The following DPY19L3 variants were observed in gnomAD, a reference collection of about 807,000 sequenced individuals.
The protein encoded by DPY19L3 is protein C-mannosyl-transferase DPY19L3.
In DPY19L3, 51 loss-of-function variants were observed where a neutral mutation model predicts 92.3. That is an observed-to-expected ratio of 0.55 (90% CI 0.44 to 0.70). DPY19L3 has a LOEUF of 0.70. Ranked by LOEUF, DPY19L3 falls within the 30% of genes least tolerant of loss-of-function variation. The pLI, the probability that DPY19L3 is intolerant of heterozygous loss-of-function variation, is 0.00. For missense variants in DPY19L3, 706 were observed against 855.9 expected, an observed-to-expected ratio of 0.82 and a Z score of 2.18; for synonymous variants, 309 against 315.2, an observed-to-expected ratio of 0.98 and a Z score of 0.21.
chr19:32,449,291 A>G (rs1485208522), intron 8 of DPY19L3, among the ~76,000 whole-genome samples: 1 of 152,230 alleles, frequency 6.6e-6, no homozygotes, highest in Admixed American at 6.5e-5. Context: ...TAGATTGGAA[A>G]GATAATTCAC....
intron 15 of DPY19L3, among the ~76,000 whole-genome samples, chr19:32,466,725 A>G (rs1035340602): frequency 6.6e-6 from 1 of 152,272 alleles, no homozygotes; most frequent in Non-Finnish European, 1.5e-5. Flanking sequence ...ATCCTGAGGA[A>G]TCCTCCAAAA....
At chr19:32,478,369 A>T (rs1207282980) in intron 17 of DPY19L3, among the ~76,000 whole-genome samples, 2 of 152,176 alleles carry the variant, frequency 1.3e-5, no homozygotes, top group African/African-American at 4.8e-5. Context: ...TGGATTAGGG[A>T]GGGGAAGGAA....
intron 1 of DPY19L3, 125 bp downstream of exon 1, chr19:32,406,034 G>C (rs1376249763): frequency 6.6e-6 from 1 of 151,042 alleles, no homozygotes; most frequent in African/African-American, 2.4e-5. Flanking sequence ...TGGCGCAGTC[G>C]GGGGGCGCGG....
chr19:32,473,658 G>T (rs1433795400), intron 16 of DPY19L3, among the ~76,000 whole-genome samples: 2 of 152,166 alleles, frequency 1.3e-5, no homozygotes, highest in African/African-American at 4.8e-5. Context: ...TGCCTTACGG[G>T]TAGAGTGAAG....
intron 9 of DPY19L3, 140 bp downstream of exon 9, chr19:32,453,416 T>C: frequency 1.2e-6 from 1 of 826,660 alleles, no homozygotes; most frequent in South Asian, 2.0e-5. Context: ...TTGTGTGCTT[T>C]TTCTTGTGCA....
intron 3 of DPY19L3, among the ~76,000 whole-genome samples, chr19:32,422,014 T>C (rs895716858): frequency 6.6e-6 from 1 of 152,218 alleles, no homozygotes; most frequent in Non-Finnish European, 1.5e-5. Flanking sequence ...ATGAAAATTC[T>C]TGCTGACCTG....
intron 9 of DPY19L3, among the ~76,000 whole-genome samples, chr19:32,454,267 G>T (rs563804157): frequency 3.3e-5 from 5 of 152,164 alleles, no homozygotes; most frequent in African/African-American, 1.2e-4. Flanking sequence ...CGTGGTGTAG[G>T]AATTAATGGA....
At chr19:32,462,035 C>T (rs1013578426) in intron 12 of DPY19L3, among the ~76,000 whole-genome samples, 1 of 151,986 alleles carries the variant, frequency 6.6e-6, no homozygotes, top group African/African-American at 2.4e-5. Flanking sequence ...TACATATATC[C>T]CTGTGATAAA....
rs150954095 is a variant in DPY19L3 at position 32,474,232 on chromosome 19, A to G, written c.1698-3290A>G. Among the ~76,000 whole-genome samples, 608 of 152,382 alleles carry G rather than the reference A, an allele frequency of 4.0e-3. 5 individuals are homozygous for G. Among genetic ancestry groups the G allele is most frequent in the African/African-American group, 0.014 (564 of 41,598 alleles). The stretch of plus-strand genomic sequence containing the variant: ...TGATTGTGGCACTAACACATTAAAT[A>G]GATTACACTTCTTTTAAACTTTCTG... On this transcript the variant is annotated intron_variant, in intron 16 of 18. Transcript: ENST00000392250.
At chr19:32,473,628 G>T (rs570658690) in intron 16 of DPY19L3, among the ~76,000 whole-genome samples, 10 of 152,150 alleles carry the variant, frequency 6.6e-5, no homozygotes, top group Non-Finnish European at 1.2e-4. Flanking sequence ...CACTTTGCTT[G>T]TAGCTTTTCC....
intron 3 of DPY19L3, among the ~76,000 whole-genome samples, chr19:32,425,876 A>C (rs1379947977): frequency 6.6e-6 from 1 of 152,184 alleles, no homozygotes; most frequent in Non-Finnish European, 1.5e-5. Context: ...ATTGGCTTCA[A>C]CTTAAAGCCA....
At chr19:32,433,891 C>T (rs949566175) in intron 4 of DPY19L3, among the ~76,000 whole-genome samples, 1 of 152,120 alleles carries the variant, frequency 6.6e-6, no homozygotes, top group African/African-American at 2.4e-5. Flanking sequence ...GTTTTAGCAG[C>T]CATTGATGAT....
At chr19:32,411,611 A>G (rs1968185486) in intron 3 of DPY19L3, 1 of 435,342 alleles carries the variant, frequency 2.3e-6, no homozygotes, top group Non-Finnish European at 3.9e-6. Context: ...TCTGTCACCC[A>G]GGCTGGAGTG....
At chr19:32,466,396 C>T (rs1970201386) in intron 15 of DPY19L3, among the ~76,000 whole-genome samples, 3 of 152,208 alleles carry the variant, frequency 2.0e-5, no homozygotes, top group Non-Finnish European at 4.4e-5. Context: ...CCTGCTGTAG[C>T]GGTCACAGGG....
intron 15 of DPY19L3, among the ~76,000 whole-genome samples, chr19:32,466,904 T>C (rs1309702215): frequency 6.6e-6 from 1 of 152,248 alleles, no homozygotes; most frequent in African/African-American, 2.4e-5. Context: ...ACTGAATCTG[T>C]TTTCCAACTA....
intron 2 of DPY19L3, among the ~76,000 whole-genome samples, chr19:32,409,686 G>A (rs1199712873): frequency 1.3e-5 from 2 of 152,176 alleles, no homozygotes; most frequent in Non-Finnish European, 2.9e-5. Context: ...AGAAGACTTA[G>A]GGGAGCCAGT....
rs572524307 is a variant in DPY19L3 at position 32,424,956 on chromosome 19, A to T, written c.238-7760A>T. On this transcript the variant is annotated intron_variant, in intron 3 of 18. Coordinates refer to ENST00000392250, the MANE Select transcript of DPY19L3 (RefSeq NM_001172774.2). ...ATGGTCAAGTGATTTTCAGCAGGGC[A>T]CCAGGAAGGACAGTTACGTGGAGAA... Among the ~76,000 whole-genome samples, 2 of 152,194 alleles carry T rather than the reference A, an allele frequency of 1.3e-5. 1 individual carries two copies. Among genetic ancestry groups the T allele is most frequent in the South Asian group, 4.1e-4 (2 of 4,828 alleles).
intron 2 of DPY19L3, among the ~76,000 whole-genome samples, chr19:32,408,564 GCTGT>G (rs1439316260): frequency 6.6e-6 from 1 of 152,142 alleles, no homozygotes; most frequent in Non-Finnish European, 1.5e-5. Context: ...GTGTTTGTCA[GCTGT>G]CTGTTCATTA....
In DPY19L3 at chr19:32,436,440, C is replaced by G; in HGVS notation, c.329-6C>G. 1 of 1,484,778 alleles carries G rather than the reference C, an allele frequency of 6.7e-7. No individual in the cohort carries two copies. Among genetic ancestry groups the G allele is most frequent in the Non-Finnish European group, 9.2e-7 (1 of 1,089,864 alleles). 92.0% of individuals were successfully genotyped at this position (1,484,778 alleles called of 1,614,324 possible). On this transcript the variant is annotated splice_polypyrimidine_tract_variant and splice_region_variant and intron_variant, in intron 4 of 18. Coordinates refer to ENST00000392250, the MANE Select transcript of DPY19L3 (RefSeq NM_001172774.2). Reference sequence around the variant, plus strand: ...ATTTTCTTCCTGACTTTTCACATATCTATAGGTTTTCATGGCCTAATATAT... The same window carrying G: ...ATTTTCTTCCTGACTTTTCACATATGTATAGGTTTTCATGGCCTAATATAT...
Sources: gnomAD v4.1 joint callset for allele counts (sites outside exome capture counted in the v4.1 genomes callset) on GRCh38, gnomAD v4.1.1 for gene constraint, MANE v1.5 for transcripts, NCBI Gene and HGNC (gene_info 2026-07-23, HGNC 2026-07-21) for gene names.